Variants in NWD2 observed in about 807,000 individuals in gnomAD.
NWD2 encodes the protein NACHT and WD repeat domain containing 2.
A neutral mutation model predicts 132.7 loss-of-function variants in NWD2; 37 were observed. That is an observed-to-expected ratio of 0.28 (90% CI 0.21 to 0.37). NWD2 has a LOEUF of 0.37. Ranked by LOEUF, NWD2 falls within the 10% of genes least tolerant of loss-of-function variation. The pLI is 1.00. For missense variants in NWD2, 1,592 were observed against 2,122.4 expected (o/e 0.75, Z 4.91); for synonymous variants, 705 against 803.0 (o/e 0.88, Z 2.06).
chr4:37,253,933 G>A (rs1418744368), intron 1 of NWD2, among the ~76,000 whole-genome samples: 3 of 152,026 alleles, frequency 2.0e-5, no homozygotes, highest in Non-Finnish European at 4.4e-5. Context: ...TCCATCCTTA[G>A]CAAACTAACA....
At chr4:37,258,388 G>C (rs978622519) in intron 1 of NWD2, among the ~76,000 whole-genome samples, 1 of 152,252 alleles carries the variant, frequency 6.6e-6, no homozygotes, top group Non-Finnish European at 1.5e-5. Context: ...TAGAGGTGCA[G>C]ATGTTTGGAG....
intron 1 of NWD2, among the ~76,000 whole-genome samples, chr4:37,299,894 T>G (rs916876557): frequency 1.3e-5 from 2 of 152,134 alleles, no homozygotes; most frequent in African/African-American, 4.8e-5. Context: ...CCCCCAAATT[T>G]TCAGCACACA....
intron 1 of NWD2, among the ~76,000 whole-genome samples, chr4:37,299,337 G>A (rs1279735594): frequency 1.3e-5 from 2 of 152,020 alleles, no homozygotes; most frequent in African/African-American, 2.4e-5. Context: ...TTCCAAGGAA[G>A]TTTCGCTCAC....
intron 5 of NWD2, among the ~76,000 whole-genome samples, chr4:37,437,285 C>A (rs535370443): frequency 1.3e-5 from 2 of 152,202 alleles, no homozygotes; most frequent in African/African-American, 4.8e-5. Context: ...GCCAACTTCC[C>A]GCTCACAGAT....
Position 37,447,374 on chromosome 4 carries a change from T to C in NWD2, c.*157T>C. 3.2e-6 allele frequency: 2 copies of C among 630,950 alleles called. No individual in the cohort carries two copies. Among genetic ancestry groups the C allele is most frequent in the East Asian group, 2.7e-5 (1 of 36,414 alleles). The allele number at this position is 630,950 out of a possible 1,614,324, so 39.1% of individuals were successfully genotyped here. A position where few individuals can be genotyped will look rare whatever the true frequency, so the allele number is the denominator to read the frequency against. On this transcript the variant is annotated 3_prime_UTR_variant, in exon 7 of 7. Transcript: ENST00000309447. ...TTCATGAAATGGACAAATAGGTTAG[T>C]CTTGGGTGTGGTCTTTTTGTCAAAG...
chr4:37,322,395 C>T (rs1719086772), intron 1 of NWD2, among the ~76,000 whole-genome samples: 1 of 152,084 alleles, frequency 6.6e-6, no homozygotes, highest in Non-Finnish European at 1.5e-5. Context: ...ACAAGAAGTG[C>T]CATGAGATGA....
At chr4:37,342,256 A>T (rs1719543195) in intron 2 of NWD2, among the ~76,000 whole-genome samples, 1 of 152,032 alleles carries the variant, frequency 6.6e-6, no homozygotes, top group East Asian at 1.9e-4. Context: ...AGAGGCTGGC[A>T]GCTCCTCCTT....
chr4:37,412,385 C>T (rs1226567855), intron 3 of NWD2, among the ~76,000 whole-genome samples: 3 of 152,114 alleles, frequency 2.0e-5, no homozygotes, highest in Non-Finnish European at 4.4e-5. Flanking sequence ...TTCACAATTG[C>T]TACTAAGATA....
chr4:37,363,625 G>C (rs561104029), intron 3 of NWD2, among the ~76,000 whole-genome samples: 9 of 152,180 alleles, frequency 5.9e-5, no homozygotes, highest in African/African-American at 2.2e-4. Context: ...ATAGAAACTG[G>C]GGACTACTCA....
At chr4:37,408,398 G>C (rs1177892284) in intron 3 of NWD2, among the ~76,000 whole-genome samples, 1 of 152,214 alleles carries the variant, frequency 6.6e-6, no homozygotes, top group African/African-American at 2.4e-5. Flanking sequence ...TATGCTCACA[G>C]TGTAAACAAA....
At chr4:37,411,572 C>G (rs987958466) in intron 3 of NWD2, among the ~76,000 whole-genome samples, 1 of 152,196 alleles carries the variant, frequency 6.6e-6, no homozygotes, top group African/African-American at 2.4e-5. Context: ...GGAGCTGGTA[C>G]CATTCCTTCT....
chr4:37,395,059 C>T (rs1006523879), intron 3 of NWD2, among the ~76,000 whole-genome samples: 7 of 151,760 alleles, frequency 4.6e-5, no homozygotes, highest in East Asian at 1.9e-4. Context: ...GTGATCCACC[C>T]GCCCCCCAAT....
intron 2 of NWD2, among the ~76,000 whole-genome samples, chr4:37,334,339 G>A (rs867921753): frequency 4.6e-5 from 7 of 151,864 alleles, no homozygotes; most frequent in South Asian, 2.1e-4. Context: ...TTCCAGCTTC[G>A]TTTTCAACTC....
At chr4:37,388,645 TATATATATCATATATATCATATATAA>T (rs1279637905) in intron 3 of NWD2, among the ~76,000 whole-genome samples, 8 of 112,630 alleles carry the variant, frequency 7.1e-5, no homozygotes, top group African/African-American at 3.4e-4. Flanking sequence ...CATATATAAA[TATATATATCATATATATCATATATAA>T]ATATATATCG....
intron 1 of NWD2, among the ~76,000 whole-genome samples, chr4:37,312,238 A>G (rs1718860856): frequency 6.6e-6 from 1 of 151,282 alleles, no homozygotes; most frequent in African/African-American, 2.5e-5. Context: ...CATTTTCACG[A>G]TATTGATTCT....
chr4:37,381,494 T>G (rs1391094935), intron 3 of NWD2, among the ~76,000 whole-genome samples: 5 of 152,178 alleles, frequency 3.3e-5, no homozygotes. Context: ...TTAACATCTG[T>G]CAGGGCAGGA....
At chr4:37,374,159 G>T (rs761700001) in intron 3 of NWD2, among the ~76,000 whole-genome samples, 2 of 152,186 alleles carry the variant, frequency 1.3e-5, no homozygotes, top group Non-Finnish European at 1.5e-5. Flanking sequence ...ATAGTAATCA[G>T]TGAGTTCTTG....
intron 2 of NWD2, among the ~76,000 whole-genome samples, chr4:37,345,578 GTTCT>G (rs374032324): frequency 9.3e-4 from 141 of 152,100 alleles, no homozygotes; most frequent in African/African-American, 3.1e-3. Flanking sequence ...AGTTGTAGGA[GTTCT>G]TTATGTATTC....
intron 2 of NWD2, among the ~76,000 whole-genome samples, chr4:37,327,523 C>T (rs955038717): frequency 2.2e-4 from 33 of 152,196 alleles, no homozygotes; most frequent in Middle Eastern, 3.4e-3. Flanking sequence ...CAGTTCTCTA[C>T]GGGTACTGGG....
Sources: allele counts gnomAD v4.1 joint callset (sites outside exome capture counted in the v4.1 genomes callset), GRCh38; gene constraint gnomAD v4.1.1; transcripts MANE v1.5; gene names NCBI Gene and HGNC (gene_info 2026-07-23, HGNC 2026-07-21).